Variants in KPNA3 observed in about 807,000 individuals in gnomAD.
The protein encoded by KPNA3 is importin subunit alpha-4.
KPNA3 carries 13 observed loss-of-function variants against 73.8 expected under a neutral mutation model. The ratio of observed to expected loss-of-function variants is 0.18; its 90% CI spans 0.11 to 0.28. KPNA3 has a LOEUF of 0.28. Among genes scored for constraint, KPNA3 ranks in the 10% least tolerant of loss-of-function variants. The pLI, the probability that KPNA3 is intolerant of heterozygous loss-of-function variation, is 1.00. For synonymous variants in KPNA3, 186 were observed against 206.9 expected (o/e 0.90, Z 0.87); for missense variants, 360 against 618.1 (o/e 0.58, Z 4.43).
chr13:49,748,247 T>C (rs1954634911), intron 1 of KPNA3, among the ~76,000 whole-genome samples: 2 of 152,192 alleles, frequency 1.3e-5, no homozygotes, highest in African/African-American at 4.8e-5. Flanking sequence ...AGTAAATTCA[T>C]TGCCATGGCC....
chr13:49,702,804 T>C (rs1308658804), intron 15 of KPNA3, among the ~76,000 whole-genome samples: 1 of 152,212 alleles, frequency 6.6e-6, no homozygotes, highest in Non-Finnish European at 1.5e-5. Context: ...TCAAGTTATA[T>C]GGCAAGTTTG....
intron 10 of KPNA3, among the ~76,000 whole-genome samples, chr13:49,716,877 C>T (rs1954308868): frequency 6.6e-6 from 1 of 152,166 alleles, no homozygotes; most frequent in Admixed American, 6.6e-5. Flanking sequence ...ATTCAATGCC[C>T]AGGTTTTCAT....
intron 1 of KPNA3, among the ~76,000 whole-genome samples, chr13:49,764,330 A>G (rs1260901074): frequency 1.3e-5 from 2 of 152,142 alleles, no homozygotes; most frequent in Non-Finnish European, 2.9e-5. Flanking sequence ...CTCAACCTCC[A>G]TTATAGGTAT....
chr13:49,703,561 C>T (rs1252580158), intron 15 of KPNA3, among the ~76,000 whole-genome samples: 6 of 151,986 alleles, frequency 3.9e-5, no homozygotes, highest in Non-Finnish European at 5.9e-5. Flanking sequence ...TATATAACCA[C>T]AAAATGAGTT....
At chr13:49,704,367 G>C (rs1365206732) in intron 15 of KPNA3, among the ~76,000 whole-genome samples, 1 of 150,264 alleles carries the variant, frequency 6.7e-6, no homozygotes, top group Non-Finnish European at 1.5e-5. Context: ...AGGTTGCGGT[G>C]AGCCATTACA....
At chr13:49,748,061 GTAAATAATGCCTA>G (rs1230387758) in intron 1 of KPNA3, among the ~76,000 whole-genome samples, 1 of 152,154 alleles carries the variant, frequency 6.6e-6, no homozygotes, top group Non-Finnish European at 1.5e-5. Context: ...GGACAAGGTA[GTAAATAATGCCTA>G]TATCCTTGAC....
rs201750622 is a variant in KPNA3 at position 49,706,179 on chromosome 13, A to G, written c.1138-10T>C. On this transcript the variant is annotated splice_polypyrimidine_tract_variant and intron_variant, in intron 13 of 16. Coordinates refer to ENST00000261667, the MANE Select transcript of KPNA3 (RefSeq NM_002267.4). ...GTGTTCCAAAGTCCCCCTGAAGGTT[A>G]AAAATGAGATCATAAAATGGACTCT... 2.5e-5 allele frequency: 41 copies of G among 1,613,332 alleles called. No individual in the cohort carries two copies. The African/African-American group carries it at 4.9e-4, about 19-fold the overall frequency.
intron 1 of KPNA3, among the ~76,000 whole-genome samples, chr13:49,780,304 T>C (rs1043520741): frequency 3.9e-5 from 6 of 152,164 alleles, no homozygotes; most frequent in African/African-American, 1.4e-4. Flanking sequence ...ACAAGCAGAA[T>C]GGCCCTCAAA....
chr13:49,784,164 G>A (rs762711865), intron 1 of KPNA3, among the ~76,000 whole-genome samples: 1 of 152,066 alleles, frequency 6.6e-6, no homozygotes, highest in Non-Finnish European at 1.5e-5. Flanking sequence ...CAGGAGGATC[G>A]CTTGAGCCAT....
intron 1 of KPNA3, among the ~76,000 whole-genome samples, chr13:49,777,493 T>C (rs1256576467): frequency 6.6e-6 from 1 of 152,150 alleles, no homozygotes; most frequent in East Asian, 1.9e-4. Flanking sequence ...ACATAAACAG[T>C]TGTTACACTA....
intron 7 of KPNA3, among the ~76,000 whole-genome samples, chr13:49,723,108 T>C (rs1954375419): frequency 6.6e-6 from 1 of 151,924 alleles, no homozygotes; most frequent in Non-Finnish European, 1.5e-5. Context: ...TGTATCTGTG[T>C]ATTACTTGTA....
chr13:49,780,662 CTT>C (rs945596483), intron 1 of KPNA3, among the ~76,000 whole-genome samples: 1 of 151,640 alleles, frequency 6.6e-6, no homozygotes, highest in African/African-American at 2.4e-5. Flanking sequence ...CAATCTGGCT[CTT>C]GTCTGTCCTA....
At chr13:49,720,224 C>T (rs978056900) in intron 9 of KPNA3, among the ~76,000 whole-genome samples, 13 of 152,136 alleles carry the variant, frequency 8.5e-5, no homozygotes, top group Non-Finnish European at 1.8e-4. Context: ...ACCTGCTTAA[C>T]GTAAAAATAC....
At position 49,775,381 on chromosome 13, in the gene KPNA3, C is replaced by T. The variant is rs1280596751; in HGVS notation, c.69+17057G>A. Among the ~76,000 whole-genome samples, 5 of 152,024 alleles carry T rather than the reference C, an allele frequency of 3.3e-5. No individual in the cohort carries two copies. In the East Asian group the frequency reaches 9.7e-4, roughly 29 times the overall value. Reference sequence around the variant, plus strand: ...GACAAGGCTACATAGGCTCCACCACCCAAATCCCCGGGTGGCCACCCCTAG... The same window carrying T: ...GACAAGGCTACATAGGCTCCACCACTCAAATCCCCGGGTGGCCACCCCTAG... On this transcript the variant is annotated intron_variant, in intron 1 of 16. Transcript: ENST00000261667.
intron 1 of KPNA3, among the ~76,000 whole-genome samples, chr13:49,753,105 A>C (rs975340856): frequency 6.6e-6 from 1 of 151,520 alleles, no homozygotes; most frequent in Non-Finnish European, 1.5e-5. Flanking sequence ...TTAAATTCAT[A>C]TAATAAAGAC....
chr13:49,732,800 T>C (rs1439064587), intron 3 of KPNA3, 24 bp from the exon 4 acceptor site: 3 of 1,524,586 alleles, frequency 2.0e-6, no homozygotes. Context: ...AAAAAATAGT[T>C]CAGCAGAGTT....
intron 10 of KPNA3, among the ~76,000 whole-genome samples, chr13:49,715,169 TAA>T (rs974519555): frequency 1.3e-5 from 2 of 151,838 alleles, no homozygotes; most frequent in Admixed American, 6.6e-5. Context: ...TAGATACAAT[TAA>T]AAAAAATTGA....
rs556411949 is a variant in KPNA3, at chr13:49,708,247, G to A, written c.1032+1325C>T. Reference sequence around the variant, plus strand: ...CCTGACCTCGTGATCTGCCCGCCTCGGCCTCCCAAAGTGCTGGGATTACAG... The same window carrying A: ...CCTGACCTCGTGATCTGCCCGCCTCAGCCTCCCAAAGTGCTGGGATTACAG... On this transcript the variant is annotated intron_variant, in intron 12 of 16. Transcript: ENST00000261667. 1.1e-3 allele frequency among the ~76,000 whole-genome samples: 160 copies of A among 152,068 alleles called. 3 individuals carry two copies. Among genetic ancestry groups the A allele is most frequent in the African/African-American group, 3.5e-3 (146 of 41,480 alleles).
At chr13:49,767,225 T>C (rs1954815860) in intron 1 of KPNA3, among the ~76,000 whole-genome samples, 1 of 151,840 alleles carries the variant, frequency 6.6e-6, no homozygotes, top group Non-Finnish European at 1.5e-5. Context: ...GAGACCAGCC[T>C]GGCCAACATG....
Sources: allele counts gnomAD v4.1 joint callset (sites outside exome capture counted in the v4.1 genomes callset), GRCh38; gene constraint gnomAD v4.1.1; transcripts MANE v1.5; gene names NCBI Gene and HGNC (gene_info 2026-07-23, HGNC 2026-07-21).